Variants in EYS observed in about 807,000 individuals in gnomAD.
EYS encodes EGF-like photoreceptor maintenance factor, also known as protein eyes shut homolog.
In EYS, 250 loss-of-function variants were observed where a neutral mutation model predicts 282.1. That is an observed-to-expected ratio of 0.89 (90% CI 0.80 to 0.98). EYS has a LOEUF of 0.98. Ranked by LOEUF, EYS falls within the 50% of genes least tolerant of loss-of-function variation. The probability of loss-of-function intolerance (pLI) is 0.00; values close to 1 mark genes in which losing one functional copy is unlikely to be tolerated. For synonymous variants in EYS, 1,355 were observed against 1,282.9 expected (o/e 1.06, Z -1.20); for missense variants, 4,016 against 3,709.0 (o/e 1.08, Z -2.15).
intron 5 of EYS, among the ~76,000 whole-genome samples, chr6:65,429,999 C>T (rs185780144): frequency 6.6e-5 from 10 of 152,148 alleles, no homozygotes; most frequent in East Asian, 1.9e-4. Flanking sequence ...CATTATTATT[C>T]CCATTACAGA....
chr6:65,266,464 T>C lies in EYS; in HGVS notation c.2023+29399A>G, dbSNP rs536596785. On this transcript the variant is annotated intron_variant, in intron 12 of 42. Transcript: ENST00000503581. ...GCACCTAAAAGCTACTTTACAAAGA[T>C]TTGTTGCATGCATGCATGAATGAAT... Among the ~76,000 whole-genome samples the C allele has an allele frequency of 2.2e-4, 34 of 152,050 alleles. No homozygotes were observed. In the South Asian group the frequency reaches 6.8e-3, roughly 31 times the overall value.
At chr6:65,317,813 CCTTCCTTCCTTCCTTT>C in intron 11 of EYS, among the ~76,000 whole-genome samples, 1 of 48,458 alleles carries the variant, frequency 2.1e-5, no homozygotes, top group South Asian at 7.8e-4. Context: ...TTCCTTCCTT[CCTTCCTTCCTTCCTTT>C]CTTTCTTTCT....
chr6:65,335,104 G>C lies in EYS; in HGVS notation c.1642C>G (p.Gln548Glu). 1.2e-6 allele frequency: 2 copies of C among 1,611,786 alleles called. No homozygotes were observed. Among genetic ancestry groups the C allele is most frequent in the Non-Finnish European group, 1.7e-6 (2 of 1,178,778 alleles). The change falls in exon 11 of 43, where the codon CAG becomes GAG. Residue 548 changes from glutamine to glutamate, a missense_variant. Physicochemically the swap from Gln to Glu is conservative, Grantham distance 29 (BLOSUM62 2). Transcript: ENST00000503581. ...AGAAAACATAGATACCGATATTCCTGACTGTCTTCTTCACTCAAACAACTG... is the reference window on the plus strand; with the variant it reads ...AGAAAACATAGATACCGATATTCCTCACTGTCTTCTTCACTCAAACAACTG... ...GCSCLSEEDS[Q>E]EYRYLCFLRW...
At chr6:64,696,495 T>TC (rs1020385578) in intron 22 of EYS, among the ~76,000 whole-genome samples, 12 of 151,554 alleles carry the variant, frequency 7.9e-5, no homozygotes, top group African/African-American at 2.9e-4. Flanking sequence ...GATACAAGAG[T>TC]CCCCCAAAAT....
intron 14 of EYS, among the ~76,000 whole-genome samples, chr6:64,973,461 C>A (rs143819902): frequency 4.6e-5 from 7 of 151,884 alleles, no homozygotes; most frequent in African/African-American, 1.7e-4. Flanking sequence ...TTTAGCTTGG[C>A]GGGTTATGTG....
At chr6:63,963,164 C>T (rs1766156747) in intron 35 of EYS, among the ~76,000 whole-genome samples, 1 of 151,362 alleles carries the variant, frequency 6.6e-6, no homozygotes, top group Admixed American at 6.6e-5. Flanking sequence ...AGGAGATATA[C>T]CTAATGTTAA....
intron 2 of EYS, among the ~76,000 whole-genome samples, chr6:65,578,061 G>C (rs914718949): frequency 2.6e-5 from 4 of 151,740 alleles, no homozygotes; most frequent in South Asian, 2.1e-4. Flanking sequence ...AATGATCCAG[G>C]AATCTAACCA....
intron 20 of EYS, among the ~76,000 whole-genome samples, chr6:64,821,955 C>G (rs939884594): frequency 6.6e-6 from 1 of 151,928 alleles, no homozygotes; most frequent in African/African-American, 2.4e-5. Flanking sequence ...AAAGAATGAA[C>G]AGTTTTAAAA....
intron 14 of EYS, among the ~76,000 whole-genome samples, chr6:64,967,987 G>A (rs1770154226): frequency 6.6e-6 from 1 of 152,152 alleles, no homozygotes; most frequent in Admixed American, 6.5e-5. Context: ...GAACTCAGCA[G>A]AAAGAAGACA....
At chr6:65,168,583 A>C (rs1172848978) in intron 12 of EYS, among the ~76,000 whole-genome samples, 2 of 151,018 alleles carry the variant, frequency 1.3e-5, no homozygotes, top group Non-Finnish European at 3.0e-5. Flanking sequence ...CACTCTCATG[A>C]CCTAATATTG....
intron 26 of EYS, among the ~76,000 whole-genome samples, chr6:64,498,649 G>A (rs1403792675): frequency 6.6e-6 from 1 of 151,704 alleles, no homozygotes; most frequent in African/African-American, 2.4e-5. Context: ...ACAGGCCCTG[G>A]TGTGTGATGT....
intron 12 of EYS, among the ~76,000 whole-genome samples, chr6:65,145,123 T>A (rs2150211360): frequency 6.8e-6 from 1 of 148,044 alleles, no homozygotes. Flanking sequence ...AACTACCTCC[T>A]TTTATTTTTT....
intron 14 of EYS, 125 bp downstream of exon 14, chr6:64,997,457 G>T: frequency 1.2e-6 from 1 of 832,326 alleles, no homozygotes; most frequent in Non-Finnish European, 1.7e-6. Flanking sequence ...TTCTAACCTT[G>T]AGAAGTAAGC....
chr6:63,824,730 G>A lies in EYS; in HGVS notation c.7229-18358C>T, dbSNP rs561180419. Among the ~76,000 whole-genome samples, 3 of 152,282 alleles carry A rather than the reference G, an allele frequency of 2.0e-5. No individual in the cohort carries two copies. The South Asian group carries it at 6.2e-4, about 32-fold the overall frequency. ...CCGAGCCAAGTGAAATACAGGGGTA[G>A]AGGAAGCAGCAGAAAGGCCCTGGGA... On this transcript the variant is annotated intron_variant, in intron 36 of 42. Transcript: ENST00000503581.
intron 15 of EYS, among the ~76,000 whole-genome samples, chr6:64,917,825 A>G (rs939375351): frequency 6.6e-6 from 1 of 152,196 alleles, no homozygotes; most frequent in African/African-American, 2.4e-5. Flanking sequence ...TTTATGTGTT[A>G]ATTTTAAAAA....
At chr6:63,941,440 A>T (rs577440416) in intron 35 of EYS, among the ~76,000 whole-genome samples, 278 of 152,280 alleles carry the variant, frequency 1.8e-3, no homozygotes, top group African/African-American at 6.4e-3. Flanking sequence ...GCCAGTGATG[A>T]TGAGCATTTT....
chr6:64,054,334 GA>G (rs1016666286), intron 33 of EYS, among the ~76,000 whole-genome samples: 3 of 151,856 alleles, frequency 2.0e-5, no homozygotes, highest in East Asian at 1.9e-4. Flanking sequence ...CAATTTCATA[GA>G]AAAAAAACCC....
intron 1 of EYS, among the ~76,000 whole-genome samples, chr6:65,672,282 G>T (rs919573988): frequency 6.6e-6 from 1 of 152,060 alleles, no homozygotes; most frequent in African/African-American, 2.4e-5. Context: ...AATGCCTGAG[G>T]CCAATGAGGA....
rs1171589941 is a variant in EYS at position 65,565,182 on chromosome 6, T to G, written c.-332-69189A>C. 9.9e-5 allele frequency among the ~76,000 whole-genome samples: 4 copies of G among 40,604 alleles called. 2 individuals are homozygous for G. The African/African-American group carries it at 1.1e-3, about 11-fold the overall frequency. 26.6% of individuals were successfully genotyped at this position (40,604 alleles called of 152,430 possible). A position where few individuals can be genotyped will look rare whatever the true frequency, so the allele number is the denominator to read the frequency against. ...ATGGCGTGAACCCGGGAGGCGGAGC[T>G]TGCAGTGAGCCGAGATCCCGCCACT... On this transcript the variant is annotated intron_variant, in intron 2 of 42. Coordinates refer to ENST00000503581, the MANE Select transcript of EYS (RefSeq NM_001142800.2).
Sources: allele counts gnomAD v4.1 joint callset (sites outside exome capture counted in the v4.1 genomes callset), GRCh38; gene constraint gnomAD v4.1.1; transcripts MANE v1.5; gene names NCBI Gene and HGNC (gene_info 2026-07-23, HGNC 2026-07-21).